NAPB: variants seen among roughly 807,000 people sequenced by gnomAD.
The protein encoded by NAPB is NSF attachment protein beta.
Under a neutral mutation model 44.7 loss-of-function variants are expected in NAPB, and 26 were observed. That is an observed-to-expected ratio of 0.58 (90% CI 0.43 to 0.81). The LOEUF is 0.81. NAPB is among the 30% of genes least tolerant of loss of function. The probability of loss-of-function intolerance (pLI) is 0.00; values close to 1 mark genes in which losing one functional copy is unlikely to be tolerated. For synonymous variants in NAPB, 120 were observed against 116.8 expected, an observed-to-expected ratio of 1.03 and a Z score of -0.18; for missense variants, 315 against 356.4, an observed-to-expected ratio of 0.88 and a Z score of 0.94.
intron 2 of NAPB, among the ~76,000 whole-genome samples, chr20:23,399,423 C>T (rs765720569): frequency 3.3e-5 from 5 of 152,134 alleles, no homozygotes; most frequent in Non-Finnish European, 7.3e-5. Context: ...AGCAAGAAGG[C>T]GCCATCGTGG....
chr20:23,413,542 C>T (rs1985799704), intron 1 of NAPB, among the ~76,000 whole-genome samples: 2 of 151,864 alleles, frequency 1.3e-5, no homozygotes, highest in Admixed American at 1.3e-4. Context: ...AGACAGAAAA[C>T]ACAAAACCAG....
Position 23,421,395 on chromosome 20 carries a change from T to A in NAPB, c.8A>T (p.Asn3Ile). The change falls in exon 1 of 11, where the codon AAC (asparagine) becomes ATC (isoleucine). Residue 3 changes from asparagine (N) to isoleucine (I), a missense_variant. Around this residue, in one of 3 missense-constraint regions of NAPB, gnomAD observed 179 missense variants for 182.5 expected, o/e 0.98. Coordinates refer to ENST00000377026, the MANE Select transcript of NAPB (RefSeq NM_022080.3). MD[N>I]AGKEREAVQL... ...TACTGCCTCACGCTCCTTCCCCGCG[T>A]TGTCCATGTCGCCCGCCGCGGCCGC... The A allele has an allele frequency of 6.5e-7, 1 of 1,546,006 alleles. No homozygotes were observed. The highest frequency in any genetic ancestry group is 8.7e-7 in the Non-Finnish European group (1 of 1,145,630).
rs1982564206 is a variant in NAPB, at chr20:23,376,894, TAAC to T, written c.*479_*481del. ...TAGCACCATCAAAATAATCACAGGA[TAAC>T]AAAAATAGAAATGATTTCTAATGAA... On this transcript the variant is annotated 3_prime_UTR_variant, in exon 11 of 11. Transcript: ENST00000377026. 3 of 152,290 alleles carry T rather than the reference TAAC, an allele frequency of 2.0e-5. No individual in the cohort carries two copies. The South Asian group carries it at 6.2e-4, about 32-fold the overall frequency. The allele number at this position is 152,290 out of a possible 1,614,324, so 9.4% of individuals were successfully genotyped here. A position where few individuals can be genotyped will look rare whatever the true frequency, so the allele number is the denominator to read the frequency against.
intron 1 of NAPB, among the ~76,000 whole-genome samples, chr20:23,417,273 G>A (rs761350321): frequency 6.6e-5 from 10 of 151,998 alleles, no homozygotes; most frequent in Non-Finnish European, 1.3e-4. Context: ...TAGTAGAGAC[G>A]GGGTTTCATC....
chr20:23,395,335 T>C (rs1204199545), intron 3 of NAPB, 150 bp from the exon 4 acceptor site: 1 of 711,980 alleles, frequency 1.4e-6, no homozygotes, highest in Non-Finnish European at 2.4e-6. Context: ...CAAACAAAAA[T>C]CATGCACAAG....
At chr20:23,395,312 G>A (rs1984275391) in intron 3 of NAPB, 127 bp from the exon 4 acceptor site, 5 of 917,652 alleles carry the variant, frequency 5.4e-6, no homozygotes, top group Non-Finnish European at 5.0e-6. Flanking sequence ...AGGGTGGGCA[G>A]GTTAATGAGA....
At chr20:23,410,439 G>A (rs1985573365) in intron 1 of NAPB, among the ~76,000 whole-genome samples, 1 of 152,176 alleles carries the variant, frequency 6.6e-6, no homozygotes, top group African/African-American at 2.4e-5. Flanking sequence ...ATTAATGCAG[G>A]AACAGAAAAC....
intron 7 of NAPB, among the ~76,000 whole-genome samples, chr20:23,381,775 G>A (rs903073083): frequency 2.0e-5 from 3 of 152,248 alleles, no homozygotes; most frequent in African/African-American, 4.8e-5. Flanking sequence ...TCTGGCCAAA[G>A]GACTAGAAAA....
chr20:23,377,159 A>G lies in NAPB; in HGVS notation c.*217T>C. 3.0e-6 allele frequency: 1 copy of G among 335,706 alleles called. No homozygotes were observed. 20.8% of individuals were successfully genotyped at this position (335,706 alleles called of 1,614,324 possible). ...TTCTCAGAAAACGCTGGGGGTTCTG[A>G]TAAGCATGAAACAACCCATCATTAC... On this transcript the variant is annotated 3_prime_UTR_variant, in exon 11 of 11. Transcript: ENST00000377026.
chr20:23,382,188 G>T (rs12625489), intron 7 of NAPB, among the ~76,000 whole-genome samples: 13,802 of 152,146 alleles, frequency 0.091, 1,008 homozygotes, highest in African/African-American at 0.2. Context: ...TAAGGAGAGG[G>T]GATGCCACTT....
intron 1 of NAPB, among the ~76,000 whole-genome samples, chr20:23,405,580 TG>T (rs1271600674): frequency 2.0e-5 from 3 of 151,892 alleles, no homozygotes; most frequent in Non-Finnish European, 4.4e-5. Context: ...AAAAATTAGC[TG>T]GGCATGGTGG....
chr20:23,387,532 G>C (rs1983616929), intron 7 of NAPB, among the ~76,000 whole-genome samples: 1 of 152,106 alleles, frequency 6.6e-6, no homozygotes, highest in African/African-American at 2.4e-5. Flanking sequence ...AATAAGTTTG[G>C]CATGGTTGCA....
At chr20:23,405,448 A>AC (rs1233182518) in intron 1 of NAPB, among the ~76,000 whole-genome samples, 12 of 151,384 alleles carry the variant, frequency 7.9e-5, no homozygotes, top group African/African-American at 2.9e-4. Flanking sequence ...GTGGCCAGGC[A>AC]CAGTGGCTCA....
chr20:23,389,845 C>T (rs182989311), intron 7 of NAPB, 101 bp downstream of exon 7: 22 of 961,690 alleles, frequency 2.3e-5, no homozygotes, highest in African/African-American at 2.1e-4. Context: ...GTACTCATTA[C>T]GTGATGTGTG....
intron 2 of NAPB, among the ~76,000 whole-genome samples, chr20:23,400,047 T>G (rs1984712775): frequency 6.6e-6 from 1 of 152,184 alleles, no homozygotes; most frequent in African/African-American, 2.4e-5. Context: ...ATCCTTTTCT[T>G]GCTCAGTAAT....
At chr20:23,386,720 T>C (rs551903566) in intron 7 of NAPB, among the ~76,000 whole-genome samples, 2 of 152,318 alleles carry the variant, frequency 1.3e-5, no homozygotes, top group East Asian at 3.9e-4. Context: ...AAGTGCTGTT[T>C]ACATAACTCC....
rs1431125654 is a variant in NAPB at position 23,421,163 on chromosome 20, A to T, written c.98+142T>A. 6 of 613,794 alleles carry T rather than the reference A, an allele frequency of 9.8e-6. No homozygotes were observed. The African/African-American group carries it at 1.3e-4, about 13-fold the overall frequency. The allele number at this position is 613,794 out of a possible 1,614,324, so 38.0% of individuals were successfully genotyped here. ...CTGGGGGACCCTACAGGATTTCTGG[A>T]GGGCGCCTGCAGGCTGAGGGCCCCT... On this transcript the variant is annotated intron_variant, in intron 1 of 10. Transcript: ENST00000377026.
chr20:23,416,643 G>A (rs1986024998), intron 1 of NAPB, among the ~76,000 whole-genome samples: 1 of 151,928 alleles, frequency 6.6e-6, no homozygotes, highest in African/African-American at 2.4e-5. Flanking sequence ...GATTTCTTTT[G>A]AGAAAGATAC....
chr20:23,397,057 G>T lies in NAPB; in HGVS notation c.295+15C>A. On this transcript the variant is annotated intron_variant, in intron 3 of 10. Coordinates refer to ENST00000377026, the MANE Select transcript of NAPB (RefSeq NM_022080.3). ...TACACACAGAGATAGCATGCTACATGCCTGGCTGTCTTACCTTGGGGATCT... is the reference window on the plus strand; with the variant it reads ...TACACACAGAGATAGCATGCTACATTCCTGGCTGTCTTACCTTGGGGATCT... The T allele has an allele frequency of 6.2e-7, 1 of 1,611,158 alleles. No individual in the cohort carries two copies. The highest frequency in any genetic ancestry group is 8.5e-7 in the Non-Finnish European group (1 of 1,177,754).
Sources: allele counts gnomAD v4.1 joint callset (sites outside exome capture counted in the v4.1 genomes callset), GRCh38; gene constraint gnomAD v4.1.1; regional missense constraint gnomAD v4.1.1; transcripts MANE v1.5; gene names NCBI Gene and HGNC (gene_info 2026-07-23, HGNC 2026-07-21).